The following GTF2IRD2 variants were observed in gnomAD, a reference collection of about 807,000 sequenced individuals.
GTF2IRD2 encodes general transcription factor II-I repeat domain-containing protein 2A.
In GTF2IRD2, 8 loss-of-function variants were observed where a neutral mutation model predicts 49.2. That is an observed-to-expected ratio of 0.16 (90% CI 0.10 to 0.29). The LOEUF is 0.29. GTF2IRD2 is among the 10% of genes least tolerant of loss of function. The pLI is 1.00. For missense variants in GTF2IRD2, 130 were observed against 725.7 expected, an observed-to-expected ratio of 0.18 and a Z score of 9.43; for synonymous variants, 47 against 289.7, an observed-to-expected ratio of 0.16 and a Z score of 8.51.
intron 1 of GTF2IRD2, among the ~76,000 whole-genome samples, chr7:74,842,794 T>C (rs1800962777): frequency 6.8e-6 from 1 of 146,032 alleles, no homozygotes; most frequent in Non-Finnish European, 1.5e-5. Context: ...GCTCAAACGA[T>C]CCTTCCACCT....
chr7:74,836,711 G>A (rs1800371415), intron 1 of GTF2IRD2, among the ~76,000 whole-genome samples: 1 of 152,268 alleles, frequency 6.6e-6, no homozygotes, highest in African/African-American at 2.4e-5. Context: ...GACTACAGGT[G>A]AGCGCCATCA....
At chr7:74,842,599 G>A (rs1288590569) in intron 1 of GTF2IRD2, among the ~76,000 whole-genome samples, 2 of 144,730 alleles carry the variant, frequency 1.4e-5, no homozygotes, top group Non-Finnish European at 3.0e-5. Flanking sequence ...GACGTGCAGT[G>A]CCATGATCAT....
At chr7:74,815,279 C>T (rs1365964859) in intron 8 of GTF2IRD2, among the ~76,000 whole-genome samples, 1 of 83,948 alleles carries the variant, frequency 1.2e-5, no homozygotes, top group Non-Finnish European at 3.0e-5. Flanking sequence ...GGTGAAAACC[C>T]GTCTCTATTA....
At chr7:74,815,813 A>AGAAAGAAAGAAGGAAAGAAAGAAAGAAG (rs1798474467) in intron 8 of GTF2IRD2, among the ~76,000 whole-genome samples, 1 of 73,826 alleles carries the variant, frequency 1.4e-5, no homozygotes, top group Non-Finnish European at 3.0e-5. Flanking sequence ...AAAGAAAGAA[A>AGAAAGAAAGAAGGAAAGAAAGAAAGAAG]GAAAGAAAGA....
chr7:74,818,901 TTTTTTGTTTTTTTG>T (rs1254147090), intron 8 of GTF2IRD2: 1 of 151,436 alleles, frequency 6.6e-6, no homozygotes, highest in Non-Finnish European at 1.5e-5. Context: ...TTGGTTCTTT[TTTTTTGTTTTTTTG>T]TTTTTGTTTT....
At chr7:74,818,907 GTTT>G (rs869095181) in intron 8 of GTF2IRD2, 1 of 150,424 alleles carries the variant, frequency 6.6e-6, no homozygotes, top group Non-Finnish European at 1.5e-5. Context: ...CTTTTTTTTT[GTTT>G]TTTTGTTTTT....
In GTF2IRD2 at chr7:74,822,843, A is replaced by T. The variant is rs587637296; in HGVS notation, c.359-36T>A. 8 of 1,549,328 alleles carry T rather than the reference A, an allele frequency of 5.2e-6. No individual in the cohort carries two copies. The East Asian group carries it at 1.8e-4, about 35-fold the overall frequency. ...ACGCAAACGTCTTTGGATGGTGTGA[A>T]CCTAACGTTCTACCAGTTTTTTTTT... On this transcript the variant is annotated intron_variant, in intron 4 of 15. Transcript: ENST00000451013.
chr7:74,831,311 T>C (rs1194211481), intron 3 of GTF2IRD2, among the ~76,000 whole-genome samples: 2 of 150,732 alleles, frequency 1.3e-5, no homozygotes, highest in African/African-American at 4.9e-5. Flanking sequence ...CATACATATA[T>C]ATATATAATT....
rs1282585522 is a variant in GTF2IRD2 at position 74,826,981 on chromosome 7, G to A, written c.239-1929C>T. On this transcript the variant is annotated intron_variant, in intron 3 of 15. Transcript: ENST00000451013. ...TCGCCTCGGCCTCCCAAAGTGCTTG[G>A]ATTATAGGCATGCACTACCATGCCC... 3.3e-5 allele frequency among the ~76,000 whole-genome samples: 5 copies of A among 151,942 alleles called. No homozygotes were observed. In the East Asian group the frequency reaches 9.6e-4, roughly 29 times the overall value.
intron 1 of GTF2IRD2, among the ~76,000 whole-genome samples, chr7:74,841,732 C>T (rs2131814064): frequency 7.0e-6 from 1 of 143,356 alleles, no homozygotes; most frequent in East Asian, 2.0e-4. Flanking sequence ...TATTAAATTT[C>T]TAGAATAGGG....
At chr7:74,839,621 A>G (rs1800607630) in intron 1 of GTF2IRD2, among the ~76,000 whole-genome samples, 1 of 121,106 alleles carries the variant, frequency 8.3e-6, no homozygotes, top group Non-Finnish European at 1.7e-5. Context: ...AAGCTAGAAC[A>G]TACACCAGGA....
At chr7:74,842,559 C>A (rs587600530) in intron 1 of GTF2IRD2, among the ~76,000 whole-genome samples, 1 of 144,080 alleles carries the variant, frequency 6.9e-6, no homozygotes, top group African/African-American at 2.7e-5. Flanking sequence ...TTTATTTTTT[C>A]TGACAGGGTC....
At chr7:74,806,297 GATT>G (rs587746220) in intron 12 of GTF2IRD2, among the ~76,000 whole-genome samples, 9 of 135,326 alleles carry the variant, frequency 6.7e-5, no homozygotes, top group East Asian at 2.5e-4. Flanking sequence ...CAGAAAAGAA[GATT>G]ATTATTATTA....
In GTF2IRD2 at chr7:74,843,841, T is replaced by TA. The variant is rs1321603712; in HGVS notation, c.-5-7459dup. On this transcript the variant is annotated intron_variant, in intron 1 of 15. Transcript: ENST00000451013. ...ATCATGCAATCCATTTCCTGTGAAA[T>TA]AAAAAAAAAAGTTTTAAATAAAAAT... Among the ~76,000 whole-genome samples the TA allele has an allele frequency of 4.1e-4, 3 of 7,288 alleles. 1 individual carries two copies. The highest frequency in any genetic ancestry group is 0.042 in the Middle Eastern group (1 of 24). The allele number at this position is 7,288 out of a possible 152,430, so 4.8% of individuals were successfully genotyped here.
chr7:74,807,969 TA>T (rs1369169558), intron 11 of GTF2IRD2, among the ~76,000 whole-genome samples: 1 of 9,016 alleles, frequency 1.1e-4, no homozygotes, highest in African/African-American at 2.3e-4. Flanking sequence ...GTGCAAGACT[TA>T]AAAAAAAATT....
At chr7:74,847,701 C>A (rs1458418005) in intron 1 of GTF2IRD2, among the ~76,000 whole-genome samples, 1 of 102 alleles carries the variant, frequency 9.8e-3, no homozygotes. Context: ...AACTCCATCT[C>A]AAAAAAAAAA....
intron 1 of GTF2IRD2, among the ~76,000 whole-genome samples, chr7:74,841,062 C>T (rs1554421757): frequency 3.0e-5 from 4 of 132,846 alleles, no homozygotes; most frequent in Non-Finnish European, 4.7e-5. Flanking sequence ...TTGGCCAGGC[C>T]GGTCTTGAAC....
chr7:74,809,895 G>A (rs1798023308), intron 10 of GTF2IRD2, among the ~76,000 whole-genome samples: 1 of 79,068 alleles, frequency 1.3e-5, no homozygotes, highest in South Asian at 6.7e-4. Context: ...CTAGTTTCAA[G>A]CAATCCTCGT....
chr7:74,842,848 A>T (rs1428402878), intron 1 of GTF2IRD2, among the ~76,000 whole-genome samples: 1 of 144,056 alleles, frequency 6.9e-6, no homozygotes, highest in African/African-American at 2.7e-5. Context: ...GCCTCCGTGT[A>T]CAGCCTGAAC....
Sources: gnomAD v4.1 joint callset for allele counts (sites outside exome capture counted in the v4.1 genomes callset) on GRCh38, gnomAD v4.1.1 for gene constraint, MANE v1.5 for transcripts, NCBI Gene and HGNC (gene_info 2026-07-23, HGNC 2026-07-21) for gene names.